Variants in XPA observed in about 807,000 individuals in gnomAD.
The protein encoded by XPA is DNA repair protein complementing XP-A cells.
In XPA, 27 loss-of-function variants were observed where a neutral mutation model predicts 35.7. That is an observed-to-expected ratio of 0.76 (90% CI 0.56 to 1.04). XPA has a LOEUF of 1.04. Among genes scored for constraint, XPA ranks in the 50% least tolerant of loss-of-function variants. The pLI, the probability that XPA is intolerant of heterozygous loss-of-function variation, is 0.00. For missense variants in XPA, 354 were observed against 342.7 expected (o/e 1.03, Z -0.26); for synonymous variants, 133 against 118.4 (o/e 1.12, Z -0.80).
chr9:97,668,683 G>A, the XPA span, among the ~76,000 whole-genome samples: 10 of 151,620 alleles, frequency 6.6e-5, no homozygotes, highest in African/African-American at 2.2e-4. Flanking sequence ...ACCACAACAG[G>A]ACTTTGAGGT....
chr9:97,664,454 T>C, the XPA span: 3 of 1,554,606 alleles, frequency 1.9e-6, no homozygotes, highest in Middle Eastern at 3.4e-4. Flanking sequence ...GTAATATAAA[T>C]TATTTTATGA....
chr9:97,670,959 C>T, downstream of XPA: 3 of 546,090 alleles, frequency 5.5e-6, no homozygotes, highest in Non-Finnish European at 9.8e-6. Context: ...TTGTTCCTAT[C>T]AGCACTTTTT....
chr9:97,680,110 C>T (rs1354491007), intron 5 of XPA, among the ~76,000 whole-genome samples: 1 of 152,166 alleles, frequency 6.6e-6, no homozygotes, highest in Non-Finnish European at 1.5e-5. Flanking sequence ...GACACCAAAA[C>T]AACTGGAGAA....
chr9:97,677,438 C>T lies in XPA; in HGVS notation c.674-1851G>A, dbSNP rs62560504. Among the ~76,000 whole-genome samples, 669 of 152,272 alleles carry T rather than the reference C, an allele frequency of 4.4e-3. 1 individual carries two copies. Among genetic ancestry groups the T allele is most frequent in the Non-Finnish European group, 6.4e-3 (434 of 68,026 alleles). The stretch of plus-strand genomic sequence containing the variant: ...CAATGGCTCATGCCTGTAATCCCAG[C>T]ACTTTGGGAGGATTACCTGAGCCTG... On this transcript the variant is annotated intron_variant, in intron 5 of 5. Coordinates refer to ENST00000375128, the MANE Select transcript of XPA (RefSeq NM_000380.4).
Position 97,697,106 on chromosome 9 carries a change from G to C in XPA, c.172+15C>G. On this transcript the variant is annotated intron_variant, in intron 1 of 5. Transcript: ENST00000375128. ...GCGGGGAGAGGGAAGGGGAAAGCGC[G>C]GACGCGGCCCAAACCTCCAGTAGCC... 3.9e-6 allele frequency: 6 copies of C among 1,530,392 alleles called. No individual in the cohort carries two copies. The highest frequency in any genetic ancestry group is 5.3e-6 in the Non-Finnish European group (6 of 1,140,468). The allele number at this position is 1,530,392 out of a possible 1,614,324, so 94.8% of individuals were successfully genotyped here. A position where few individuals can be genotyped will look rare whatever the true frequency, so the allele number is the denominator to read the frequency against.
Position 97,697,168 on chromosome 9 carries a change from C to G in XPA, c.125G>C (p.Arg42Pro), listed in dbSNP as rs1829077192. ...CGCCGAGTAGGGCCGGGCAGCCAGC[C>G]GGGCCTGGCGCAGCATCAGTGCCCG... ...RQRALMLRQA[R>P]LAARPYSATA... The change falls in exon 1 of 6, where the codon CGG becomes CCG. Residue 42 changes from arginine (R) to proline (P), a missense_variant. Coordinates refer to ENST00000375128, the MANE Select transcript of XPA (RefSeq NM_000380.4). 2 of 1,581,592 alleles carry G rather than the reference C, an allele frequency of 1.3e-6. No homozygotes were observed. The highest frequency in any genetic ancestry group is 1.7e-6 in the Non-Finnish European group (2 of 1,167,930).
chr9:97,656,033 C>G, the XPA span: 1 of 1,613,994 alleles, frequency 6.2e-7, no homozygotes, highest in Non-Finnish European at 8.5e-7. Flanking sequence ...TAGTCAAGAT[C>G]CTGAAAGTCC....
intron 4 of XPA, among the ~76,000 whole-genome samples, chr9:97,686,201 A>G (rs1461146624): frequency 2.0e-5 from 3 of 152,220 alleles, no homozygotes; most frequent in Admixed American, 6.5e-5. Flanking sequence ...CTCTAAAGCA[A>G]TGCCTCCCAA....
chr9:97,691,886 A>AATAAATATATATAT (rs1015557170), intron 2 of XPA, among the ~76,000 whole-genome samples: 1 of 124,682 alleles, frequency 8.0e-6, no homozygotes, highest in Non-Finnish European at 1.6e-5. Flanking sequence ...TTTCTAAATA[A>AATAAATATATATAT]ATATATATAT....
the XPA span, chr9:97,662,863 A>C: frequency 4.2e-5 from 40 of 945,084 alleles, no homozygotes; most frequent in Non-Finnish European, 5.8e-5. Context: ...ATATTGCATT[A>C]TAAATTGAGT....
At chr9:97,655,563 A>T in the XPA span, 1 of 592,520 alleles carries the variant, frequency 1.7e-6, no homozygotes, top group Non-Finnish European at 2.9e-6. Flanking sequence ...GGCAGAAGAT[A>T]CAACTGCATG....
chr9:97,696,301 T>C (rs1829040257), intron 1 of XPA, among the ~76,000 whole-genome samples: 1 of 152,220 alleles, frequency 6.6e-6, no homozygotes, highest in South Asian at 2.1e-4. Flanking sequence ...GAACTGCCTG[T>C]CAACCAAACT....
chr9:97,678,288 C>T (rs577952777), intron 5 of XPA, among the ~76,000 whole-genome samples: 1 of 152,242 alleles, frequency 6.6e-6, no homozygotes, highest in South Asian at 2.1e-4. Context: ...GTAATCTCAG[C>T]TACTTGGGAG....
At chr9:97,671,419 A>T, downstream of XPA, 1 of 456,462 alleles carries the variant, frequency 2.2e-6, no homozygotes. Flanking sequence ...GATATATTAT[A>T]TATGTGACAG....
rs1373166407 is a variant in XPA, at chr9:97,697,209, G to C, written c.84C>G (p.Ile28Met). The C allele has an allele frequency of 6.2e-7, 1 of 1,600,654 alleles. No individual in the cohort carries two copies. The highest frequency in any genetic ancestry group is 1.3e-5 in the African/African-American group (1 of 74,576). ...TCAGTGCCCGCTGCCGCTTCCGCTC[G>C]ATACTCGCCCGCACCGAGGCAGGCA... is the stretch of plus-strand genomic sequence containing the variant. ...AELPASVRAS[I>M]ERKRQRALML... Residue 28 changes from isoleucine (I) to methionine (M), a missense_variant, in exon 1 of 6, where the codon ATC (isoleucine) becomes ATG (methionine). Transcript: ENST00000375128.
At chr9:97,695,014 A>G (rs565325932) in intron 1 of XPA, among the ~76,000 whole-genome samples, 2 of 152,348 alleles carry the variant, frequency 1.3e-5, no homozygotes, top group African/African-American at 4.8e-5. Context: ...CTCAATGTAC[A>G]TGAAGTTTGG....
chr9:97,682,085 TCTATAC>T (rs1587741622), intron 5 of XPA: 1 of 340,840 alleles, frequency 2.9e-6, no homozygotes, highest in Non-Finnish European at 5.7e-6. Context: ...TATCTATCTA[TCTATAC>T]ACACCTTATA....
chr9:97,668,726 T>A, the XPA span: 8 of 1,150,142 alleles, frequency 7.0e-6, no homozygotes, highest in Non-Finnish European at 9.5e-6. Context: ...GGGGGGGTAC[T>A]TTCACTATAG....
chr9:97,668,207 G>A, the XPA span, among the ~76,000 whole-genome samples: 1 of 152,206 alleles, frequency 6.6e-6, no homozygotes, highest in African/African-American at 2.4e-5. Flanking sequence ...ACTGGGTGAT[G>A]CTGGGAAAGT....
Sources: allele counts gnomAD v4.1 joint callset (sites outside exome capture counted in the v4.1 genomes callset), GRCh38; gene constraint gnomAD v4.1.1; transcripts MANE v1.5; gene names NCBI Gene and HGNC (gene_info 2026-07-23, HGNC 2026-07-21).